Variants in ENG observed in about 807,000 individuals in gnomAD.
ENG encodes CD105 antigen.
A neutral mutation model predicts 71.0 loss-of-function variants in ENG; 17 were observed. The observed-to-expected ratio is 0.24, with a 90% CI of 0.16 to 0.36. The LOEUF (loss-of-function observed/expected upper bound fraction) is 0.36. ENG is among the 10% of genes least tolerant of loss of function. ENG has a pLI of 1.00. For synonymous variants in ENG, 360 were observed against 366.9 expected (o/e 0.98, Z 0.21); for missense variants, 749 against 868.3 (o/e 0.86, Z 1.73).
At chr9:127,833,012 C>A (rs1468094022) in intron 2 of ENG, among the ~76,000 whole-genome samples, 12 of 152,208 alleles carry the variant, frequency 7.9e-5, no homozygotes, top group Admixed American at 7.9e-4. Context: ...CCGCCTTGGC[C>A]TCCCAAAGTG....
chr9:127,819,336 C>T (rs1488746580), intron 10 of ENG: 1 of 459,236 alleles, frequency 2.2e-6, no homozygotes, highest in Non-Finnish European at 4.0e-6. Context: ...CCAGAAGCAC[C>T]CTGTGGCGCA....
Position 127,815,815 on chromosome 9 carries a change from G to A in ENG, c.1853-9C>T, listed in dbSNP as rs368472273. The A allele has an allele frequency of 6.9e-5, 107 of 1,547,014 alleles. No homozygotes were observed. The East Asian group carries it at 1.8e-3, about 26-fold the overall frequency. On this transcript the variant is annotated splice_polypyrimidine_tract_variant and intron_variant, in intron 14 of 14. Coordinates refer to ENST00000373203, the MANE Select transcript of ENG (RefSeq NM_001114753.3). ...CCGCTTGCTGGGGGAACCTGGGAGC[G>A]GGAGCGGGGGCAGGGGCGGAGGTCA...
At chr9:127,824,029 A>T (rs1038350300) in intron 8 of ENG, among the ~76,000 whole-genome samples, 2 of 152,132 alleles carry the variant, frequency 1.3e-5, no homozygotes, top group African/African-American at 4.8e-5. Flanking sequence ...AGCATTTAGG[A>T]TTAATAATGA....
intron 13 of ENG, chr9:127,816,924 A>G: frequency 1.6e-6 from 1 of 606,572 alleles, no homozygotes. Flanking sequence ...CCCACCCCAC[A>G]GGGCGGTCCC....
In ENG at chr9:127,816,015, C is replaced by T. The variant is rs1060501409; in HGVS notation, c.1780G>A (p.Gly594Ser). 6 of 1,610,954 alleles carry T rather than the reference C, an allele frequency of 3.7e-6. No individual in the cohort carries two copies. The East Asian group carries it at 8.9e-5, about 24-fold the overall frequency. ...SKGLVLPAVL[G>S]ITFGAFLIGA... is the part of the protein sequence containing the mutation. ...ATGAGGAAGGCACCAAAGGTGATGC[C>T]CAGCACGGCGGGCAGGACGAGGCCT... is the stretch of plus-strand genomic sequence containing the variant. The change falls in exon 14 of 15, where the codon GGC becomes AGC. Residue 594 changes from glycine (G) to serine (S), a missense_variant. Gly to Ser is a moderately conservative substitution (Grantham distance 56). Transcript: ENST00000373203.
At chr9:127,841,690 CA>C (rs1296977850) in intron 2 of ENG, among the ~76,000 whole-genome samples, 2 of 152,158 alleles carry the variant, frequency 1.3e-5, no homozygotes, top group African/African-American at 4.8e-5. Flanking sequence ...GCAGATTGGC[CA>C]TAAGTTTACC....
chr9:127,834,285 T>C lies in ENG; in HGVS notation c.220-4458A>G, dbSNP rs191226150. On this transcript the variant is annotated intron_variant, in intron 2 of 14. Transcript: ENST00000373203. ...TGAGATGGAGTCTTGCTCTGTCGCC[T>C]AGGCTAGAGTGCAGCGATCTCTGCT... Among the ~76,000 whole-genome samples, 3 of 151,510 alleles carry C rather than the reference T, an allele frequency of 2.0e-5. No homozygotes were observed. In the East Asian group the frequency reaches 6.0e-4, roughly 31 times the overall value.
chr9:127,818,400 G>A (rs192581954), intron 11 of ENG, 23 bp from the exon 12 acceptor site: 7 of 1,611,570 alleles, frequency 4.3e-6, no homozygotes, highest in African/African-American at 2.7e-5. Context: ...GTAGGGCCAC[G>A]CGGCATGGGC....
At chr9:127,843,576 T>C (rs1451072982) in intron 1 of ENG, among the ~76,000 whole-genome samples, 1 of 151,144 alleles carries the variant, frequency 6.6e-6, no homozygotes, top group East Asian at 1.9e-4. Flanking sequence ...AACGTACTTA[T>C]ACTAAATTTT....
At chr9:127,831,684 C>CTTTTTTTTT (rs1337832342) in intron 2 of ENG, among the ~76,000 whole-genome samples, 1 of 133,808 alleles carries the variant, frequency 7.5e-6, no homozygotes, top group African/African-American at 2.7e-5. Context: ...CCTGCCTGGC[C>CTTTTTTTTT]TTTTTTTTTT....
chr9:127,825,439 C>A lies in ENG; in HGVS notation c.690-82G>T, dbSNP rs906491967. ...AGGCCTGGCGTCGGGTGGGCGGCGG[C>A]TGCACTCTTACCTGGCCAGGTGTGG... On this transcript the variant is annotated intron_variant, in intron 5 of 14. Coordinates refer to ENST00000373203, the MANE Select transcript of ENG (RefSeq NM_001114753.3). 8.2e-6 allele frequency: 13 copies of A among 1,589,364 alleles called. No individual in the cohort carries two copies. In the Admixed American group the frequency reaches 2.0e-4, roughly 25 times the overall value.
At chr9:127,833,522 CAAAAAAAAA>C (rs57982372) in intron 2 of ENG, among the ~76,000 whole-genome samples, 2 of 66,796 alleles carry the variant, frequency 3.0e-5, no homozygotes, top group African/African-American at 1.1e-4. Flanking sequence ...AACTCCGCCT[CAAAAAAAAA>C]AAAAAAAAAA....
chr9:127,830,945 A>G (rs1830751134), intron 2 of ENG, among the ~76,000 whole-genome samples: 1 of 152,126 alleles, frequency 6.6e-6, no homozygotes, highest in Non-Finnish European at 1.5e-5. Flanking sequence ...TTATTTTGAT[A>G]TAAGAATGTG....
chr9:127,815,820 C>T lies in ENG; in HGVS notation c.1853-14G>A, dbSNP rs577900032. On this transcript the variant is annotated splice_polypyrimidine_tract_variant and intron_variant, in intron 14 of 14. Coordinates refer to ENST00000373203, the MANE Select transcript of ENG (RefSeq NM_001114753.3). ...TGCTGGGGGAACCTGGGAGCGGGAG[C>T]GGGGGCAGGGGCGGAGGTCAGGGTC... 1.4e-4 allele frequency: 210 copies of T among 1,546,820 alleles called. 4 individuals carry two copies. In the South Asian group the frequency reaches 2.1e-3, roughly 15 times the overall value.
intron 1 of ENG, among the ~76,000 whole-genome samples, chr9:127,852,833 T>C (rs936905352): frequency 3.9e-5 from 6 of 152,150 alleles, no homozygotes; most frequent in African/African-American, 1.4e-4. Context: ...ACCCCGTTGT[T>C]AATTATTCAG....
At position 127,836,003 on chromosome 9, in the gene ENG, T is replaced by C. The variant is rs1223432308; in HGVS notation, c.220-6176A>G. On this transcript the variant is annotated intron_variant, in intron 2 of 14. Transcript: ENST00000373203. This position sits in a 1 kb window ranked among gnomAD's most constrained non-coding sequence, Gnocchi z 4.0. Reference sequence around the variant, plus strand: ...TCAGGGGGGCTGGAAAGCTGGGTGCTCAGGTTCTCTGAGCTGCAGGGCCAA... The same window carrying C: ...TCAGGGGGGCTGGAAAGCTGGGTGCCCAGGTTCTCTGAGCTGCAGGGCCAA... Among the ~76,000 whole-genome samples the C allele has an allele frequency of 6.6e-6, 1 of 152,142 alleles. No individual in the cohort carries two copies. The highest frequency in any genetic ancestry group is 1.9e-4 in the East Asian group (1 of 5,186).
At position 127,819,624 on chromosome 9, in the gene ENG, G is replaced by T; in HGVS notation, c.1309C>A (p.Arg437=). The change falls in exon 10 of 15, where the codon CGG becomes AGG. Residue 437 remains arginine (R), a splice_region_variant and synonymous_variant. Coordinates refer to ENST00000373203, the MANE Select transcript of ENG (RefSeq NM_001114753.3). The part of the protein sequence containing the change: ...VNILSSSSPQ[R]KKVHCLNMDS... ...TAGCACGTGACTGTCCATCTCACCC[G>T]CTGTGGTGATGAGCTCGACAGGATA... 6.2e-7 allele frequency: 1 copy of T among 1,613,104 alleles called. No individual in the cohort carries two copies. Among genetic ancestry groups the T allele is most frequent in the Middle Eastern group, 1.7e-4 (1 of 5,796 alleles).
intron 2 of ENG, among the ~76,000 whole-genome samples, chr9:127,842,820 C>A (rs985535935): frequency 6.7e-6 from 1 of 148,228 alleles, no homozygotes; most frequent in Non-Finnish European, 1.5e-5. Flanking sequence ...AAGCAACACT[C>A]ACCTGGTCCC....
At position 127,843,114 on chromosome 9, in the gene ENG, G is replaced by A. The variant is rs148097039; in HGVS notation, c.199C>T (p.Leu67Phe). Residue 67 changes from leucine to phenylalanine, a missense_variant, in exon 2 of 15, where the codon CTC becomes TTC. Physicochemically the swap from Leu to Phe is conservative, Grantham distance 22 (BLOSUM62 0). Transcript: ENST00000373203. ...CTCACCGTTGGGAACTCCAGGAAGA[G>A]GACATGGACTTCAAGGATGGCATTG... is the stretch of plus-strand genomic sequence containing the variant. ...APNAILEVHV[L>F]FLEFPTGPSQ... The A allele has an allele frequency of 3.7e-6, 6 of 1,614,126 alleles. No homozygotes were observed. Among genetic ancestry groups the A allele is most frequent in the Non-Finnish European group, 4.2e-6 (5 of 1,180,008 alleles).
Sources: allele counts gnomAD v4.1 joint callset (sites outside exome capture counted in the v4.1 genomes callset), GRCh38; gene constraint gnomAD v4.1.1; non-coding constraint Gnocchi (gnomAD v3.1); transcripts MANE v1.5; gene names NCBI Gene and HGNC (gene_info 2026-07-23, HGNC 2026-07-21).